Variants in IL1RAPL2 observed in about 807,000 individuals in gnomAD.
IL1RAPL2 encodes the protein X-linked interleukin-1 receptor accessory protein-like 2.
Under a neutral mutation model 44.1 loss-of-function variants are expected in IL1RAPL2, and 3 were observed. The observed-to-expected ratio is 0.07, with a 90% CI of 0.03 to 0.18. IL1RAPL2 has a LOEUF of 0.18. Ranked by LOEUF, IL1RAPL2 falls within the 10% of genes least tolerant of loss-of-function variation. IL1RAPL2 has a pLI of 1.00. For missense variants in IL1RAPL2, 391 were observed against 496.4 expected, an observed-to-expected ratio of 0.79 and a Z score of 2.02; for synonymous variants, 181 against 178.8, an observed-to-expected ratio of 1.01 and a Z score of -0.10.
At chrX:105,286,569 A>G (rs1369448770) in intron 5 of IL1RAPL2, among the ~76,000 whole-genome samples, 7 of 108,572 alleles carry the variant, frequency 6.4e-5, no homozygotes, top group African/African-American at 2.4e-4. Context: ...AGCAGAAAAA[A>G]CTTAAGACAG....
At chrX:105,181,656 A>G (rs2033531718) in intron 2 of IL1RAPL2, among the ~76,000 whole-genome samples, 2 of 111,278 alleles carry the variant, frequency 1.8e-5, no homozygotes, top group South Asian at 7.6e-4. Flanking sequence ...GTTTTATTCT[A>G]TTGTGGTCTG....
intron 2 of IL1RAPL2, among the ~76,000 whole-genome samples, chrX:104,724,659 AAGG>A (rs2147566380): frequency 9.0e-6 from 1 of 111,593 alleles, no homozygotes; most frequent in Non-Finnish European, 1.9e-5. Context: ...AACCACCAAA[AAGG>A]CAGATCATCT....
At chrX:105,641,499 T>A (rs1189589608) in intron 6 of IL1RAPL2, among the ~76,000 whole-genome samples, 3 of 111,850 alleles carry the variant, frequency 2.7e-5, no homozygotes, top group African/African-American at 9.8e-5. Context: ...TACAGGCAGA[T>A]TTGTTGGGAG....
At chrX:105,256,335 T>C (rs1367300701) in intron 4 of IL1RAPL2, among the ~76,000 whole-genome samples, 2 of 73,501 alleles carry the variant, frequency 2.7e-5, no homozygotes, top group Non-Finnish European at 5.6e-5. Flanking sequence ...ATTTTTTTTC[T>C]TTTTTTTTTT....
In IL1RAPL2 at chrX:105,373,841, G is replaced by T. The variant is rs187031678; in HGVS notation, c.697+106300G>T. 4.5e-5 allele frequency among the ~76,000 whole-genome samples: 5 copies of T among 110,536 alleles called. No individual in the cohort carries two copies. In the East Asian group the frequency reaches 1.4e-3, roughly 32 times the overall value. On this transcript the variant is annotated intron_variant, in intron 5 of 10. Transcript: ENST00000372582. ...TTGTTAAAGAACAGATGGCTGGTCT[G>T]GGCGCAGTGGCTCACTCCTATAATC...
At chrX:105,340,304 T>C (rs2035061025) in intron 5 of IL1RAPL2, among the ~76,000 whole-genome samples, 1 of 111,405 alleles carries the variant, frequency 9.0e-6, no homozygotes, top group African/African-American at 3.3e-5. Context: ...GAAATCATCT[T>C]GGCTCTAACT....
chrX:105,207,420 C>A (rs2033773024), intron 3 of IL1RAPL2, among the ~76,000 whole-genome samples: 1 of 111,480 alleles, frequency 9.0e-6, no homozygotes, highest in Non-Finnish European at 1.9e-5. Flanking sequence ...TTAACGTAGT[C>A]CCTTGAAAAA....
intron 5 of IL1RAPL2, among the ~76,000 whole-genome samples, chrX:105,411,406 T>G: frequency 9.0e-6 from 1 of 111,462 alleles, no homozygotes; most frequent in East Asian, 2.8e-4. Flanking sequence ...CCCAACTATG[T>G]GCTGCCTACA....
intron 5 of IL1RAPL2, among the ~76,000 whole-genome samples, chrX:105,436,184 A>G (rs2035881173): frequency 9.0e-6 from 1 of 111,226 alleles, no homozygotes. Context: ...CTAAGATGAC[A>G]TTCTGGAAAC....
At chrX:104,731,037 G>A (rs1315154122) in intron 2 of IL1RAPL2, among the ~76,000 whole-genome samples, 1 of 111,562 alleles carries the variant, frequency 9.0e-6, no homozygotes, top group Non-Finnish European at 1.9e-5. Context: ...AGAAGTGTCT[G>A]TTCATATCCT....
intron 2 of IL1RAPL2, among the ~76,000 whole-genome samples, chrX:104,707,025 T>C (rs760577956): frequency 9.0e-6 from 1 of 111,716 alleles, no homozygotes; most frequent in Non-Finnish European, 1.9e-5. Context: ...ACATATATTA[T>C]GACAAATCAG....
chrX:104,723,977 A>G (rs1235858215), intron 2 of IL1RAPL2, among the ~76,000 whole-genome samples: 3 of 111,688 alleles, frequency 2.7e-5, no homozygotes, highest in Non-Finnish European at 5.7e-5. Context: ...CAGTAGACAC[A>G]ACAAACAATA....
At chrX:104,905,057 T>C (rs1351531239) in intron 2 of IL1RAPL2, among the ~76,000 whole-genome samples, 3 of 111,289 alleles carry the variant, frequency 2.7e-5, no homozygotes, top group African/African-American at 6.5e-5. Flanking sequence ...TGGCCAGTGA[T>C]GATGAGCATT....
chrX:104,937,575 A>G (rs1440244340), intron 2 of IL1RAPL2, among the ~76,000 whole-genome samples: 1 of 112,494 alleles, frequency 8.9e-6, no homozygotes, highest in Non-Finnish European at 1.9e-5. Flanking sequence ...TGGGAATTGC[A>G]GTATCTGACT....
chrX:105,195,539 C>G lies in IL1RAPL2; in HGVS notation c.147C>G (p.Val49=), dbSNP rs782817415. Reference sequence around the variant, plus strand: ...ACATGGCTTTGGCAGGTGAACCAGTCCGAGTGAAATGTGCCCTTTTCTACA... The same window carrying G: ...ACATGGCTTTGGCAGGTGAACCAGTGCGAGTGAAATGTGCCCTTTTCTACA... ...KTYMALAGEP[V]RVKCALFYSY... is the part of the protein sequence containing the mutation. Residue 49 remains valine (V), a synonymous_variant, in exon 3 of 11, where the codon GTC becomes GTG. Transcript: ENST00000372582. 8 of 1,209,735 alleles carry G rather than the reference C, an allele frequency of 6.6e-6. No homozygotes were observed. The South Asian group carries it at 1.1e-4, about 16-fold the overall frequency.
At chrX:104,802,974 T>A (rs1452943710) in intron 2 of IL1RAPL2, among the ~76,000 whole-genome samples, 5 of 111,839 alleles carry the variant, frequency 4.5e-5, no homozygotes, top group Admixed American at 9.6e-5. Flanking sequence ...GCTTTCTGTT[T>A]GCTTATTTCA....
At chrX:105,713,018 C>T (rs965668810) in intron 6 of IL1RAPL2, among the ~76,000 whole-genome samples, 3 of 112,447 alleles carry the variant, frequency 2.7e-5, no homozygotes, top group Non-Finnish European at 3.8e-5. Flanking sequence ...CCAGAGCATG[C>T]TATTACAAGG....
At chrX:105,415,796 G>A (rs2035729151) in intron 5 of IL1RAPL2, among the ~76,000 whole-genome samples, 1 of 110,914 alleles carries the variant, frequency 9.0e-6, no homozygotes, top group Non-Finnish European at 1.9e-5. Context: ...TGTTATAAAA[G>A]AACAAAATAA....
chrX:104,699,253 G>A (rs1009346228), intron 2 of IL1RAPL2, among the ~76,000 whole-genome samples: 1 of 111,620 alleles, frequency 9.0e-6, no homozygotes. Flanking sequence ...ATTATAATAT[G>A]TAATGAAATA....
Sources: gnomAD v4.1 joint callset for allele counts (sites outside exome capture counted in the v4.1 genomes callset) on GRCh38, gnomAD v4.1.1 for gene constraint, MANE v1.5 for transcripts, NCBI Gene and HGNC (gene_info 2026-07-23, HGNC 2026-07-21) for gene names.